Variants in FSTL5 observed in about 807,000 individuals in gnomAD.
FSTL5 encodes the protein follistatin like 5, also known as follistatin-related protein 5.
In FSTL5, 62 loss-of-function variants were observed where a neutral mutation model predicts 89.1. The ratio of observed to expected loss-of-function variants is 0.70; its 90% CI spans 0.57 to 0.86. FSTL5 has a LOEUF of 0.86. Among genes scored for constraint, FSTL5 ranks in the 40% least tolerant of loss-of-function variants. The pLI is 0.00. For missense variants in FSTL5, 1,057 were observed against 1,001.6 expected (o/e 1.06, Z -0.75); for synonymous variants, 383 against 346.2 (o/e 1.11, Z -1.18).
At chr4:161,589,143 C>A (rs1733721468) in intron 7 of FSTL5, among the ~76,000 whole-genome samples, 1 of 148,342 alleles carries the variant, frequency 6.7e-6, no homozygotes, top group Non-Finnish European at 1.5e-5. Flanking sequence ...AGCACTCCAT[C>A]ACACCCAGTT....
chr4:161,540,610 C>G (rs1158264609), intron 9 of FSTL5, among the ~76,000 whole-genome samples: 1 of 152,078 alleles, frequency 6.6e-6, no homozygotes, highest in African/African-American at 2.4e-5. Flanking sequence ...TCTCATTTCT[C>G]CCTACTGATA....
chr4:161,590,446 C>G (rs149989280), intron 7 of FSTL5, among the ~76,000 whole-genome samples: 2 of 152,082 alleles, frequency 1.3e-5, no homozygotes, highest in Non-Finnish European at 2.9e-5. Context: ...GGCTGAGGCA[C>G]GAGAATTGCT....
intron 6 of FSTL5, among the ~76,000 whole-genome samples, chr4:161,705,956 A>ATGTGTGTGTG (rs1738556865): frequency 3.1e-4 from 5 of 15,956 alleles, no homozygotes; most frequent in African/African-American, 2.0e-3. Context: ...ATGTGTGTAT[A>ATGTGTGTGTG]TATATATATA....
intron 4 of FSTL5, among the ~76,000 whole-genome samples, chr4:161,808,430 TA>T (rs1461940620): frequency 1.3e-5 from 2 of 151,862 alleles, no homozygotes; most frequent in East Asian, 3.9e-4. Flanking sequence ...AACAGGAAAA[TA>T]ACCCGTGTCC....
At chr4:161,633,126 C>T (rs1423531139) in intron 7 of FSTL5, among the ~76,000 whole-genome samples, 1 of 151,768 alleles carries the variant, frequency 6.6e-6, no homozygotes, top group African/African-American at 2.4e-5. Flanking sequence ...GTGCATATCT[C>T]TTTTAGGCCC....
At chr4:161,762,277 T>C (rs1002070120) in intron 5 of FSTL5, among the ~76,000 whole-genome samples, 2 of 152,124 alleles carry the variant, frequency 1.3e-5, no homozygotes, top group Non-Finnish European at 2.9e-5. Flanking sequence ...AGAATTTTTA[T>C]AGCTTTACAG....
At chr4:161,779,543 G>A (rs1437647566) in intron 4 of FSTL5, among the ~76,000 whole-genome samples, 6 of 151,384 alleles carry the variant, frequency 4.0e-5, no homozygotes, top group Admixed American at 3.3e-4. Flanking sequence ...TTTTGCAGAT[G>A]AGGAACTAAG....
chr4:161,826,437 T>C (rs1730671104), intron 4 of FSTL5, among the ~76,000 whole-genome samples: 1 of 152,198 alleles, frequency 6.6e-6, no homozygotes, highest in Non-Finnish European at 1.5e-5. Flanking sequence ...TTTGTTGTTG[T>C]TGTTGACTTT....
chr4:161,972,249 G>A (rs1421595394), intron 3 of FSTL5, among the ~76,000 whole-genome samples: 1 of 151,856 alleles, frequency 6.6e-6, no homozygotes, highest in Non-Finnish European at 1.5e-5. Context: ...CTGCCACCAC[G>A]CCCAGCTAAT....
chr4:162,051,932 C>G (rs1218753556), intron 2 of FSTL5, among the ~76,000 whole-genome samples: 4 of 149,784 alleles, frequency 2.7e-5, no homozygotes, highest in Non-Finnish European at 6.0e-5. Flanking sequence ...ACAACATTAG[C>G]AAAGAAAAAC....
intron 7 of FSTL5, among the ~76,000 whole-genome samples, chr4:161,609,183 G>A (rs1734557006): frequency 6.6e-6 from 1 of 151,874 alleles, no homozygotes; most frequent in Non-Finnish European, 1.5e-5. Context: ...GTGTTCAATG[G>A]GCATTTGAAT....
chr4:161,594,891 T>C (rs1458169492), intron 7 of FSTL5, among the ~76,000 whole-genome samples: 2 of 152,000 alleles, frequency 1.3e-5, no homozygotes, highest in Non-Finnish European at 2.9e-5. Flanking sequence ...ACATGAAATT[T>C]TATCATTTAA....
chr4:161,792,904 C>A (rs565626794), intron 4 of FSTL5, among the ~76,000 whole-genome samples: 5 of 152,354 alleles, frequency 3.3e-5, no homozygotes, highest in African/African-American at 9.6e-5. Flanking sequence ...TCCCCTCCCC[C>A]ACTTGCCACG....
rs1447944719 is a variant in FSTL5 at position 161,742,690 on chromosome 4, TATG to T, written c.727+16718_727+16720del. Among the ~76,000 whole-genome samples, 4 of 152,256 alleles carry T rather than the reference TATG, an allele frequency of 2.6e-5. No individual in the cohort carries two copies. The East Asian group carries it at 7.7e-4, about 29-fold the overall frequency. ...TGGGTTGAAGAGACTAGTGGATGAG[TATG>T]ATAAGATTCACAACTTTTCAACATG... On this transcript the variant is annotated intron_variant, in intron 6 of 15. Coordinates refer to ENST00000306100, the MANE Select transcript of FSTL5 (RefSeq NM_020116.5).
At chr4:161,442,189 A>G (rs1176168971) in intron 15 of FSTL5, among the ~76,000 whole-genome samples, 1 of 143,876 alleles carries the variant, frequency 7.0e-6, no homozygotes, top group Non-Finnish European at 1.5e-5. Context: ...GCCAAAAACC[A>G]CCTTCAGTTT....
intron 3 of FSTL5, among the ~76,000 whole-genome samples, chr4:161,988,249 CA>C (rs1422945762): frequency 6.6e-6 from 1 of 151,950 alleles, no homozygotes; most frequent in Non-Finnish European, 1.5e-5. Context: ...AATCACAAAA[CA>C]TGAGGATTCA....
intron 1 of FSTL5, among the ~76,000 whole-genome samples, chr4:162,123,171 T>C (rs1013537688): frequency 2.0e-5 from 3 of 152,170 alleles, no homozygotes; most frequent in Non-Finnish European, 4.4e-5. Context: ...TGGACCTACA[T>C]TTATTGTACA....
At chr4:162,019,678 G>A (rs886493385) in intron 3 of FSTL5, among the ~76,000 whole-genome samples, 8 of 151,202 alleles carry the variant, frequency 5.3e-5, no homozygotes, top group Admixed American at 3.3e-4. Context: ...GACACTTGTC[G>A]GAGCGTTTAT....
chr4:161,572,082 G>C (rs1733035071), intron 8 of FSTL5, among the ~76,000 whole-genome samples: 1 of 151,980 alleles, frequency 6.6e-6, no homozygotes, highest in Admixed American at 6.6e-5. Context: ...GGCCGAGGCG[G>C]GTGGATCACC....
Sources: gnomAD v4.1 joint callset for allele counts (sites outside exome capture counted in the v4.1 genomes callset) on GRCh38, gnomAD v4.1.1 for gene constraint, MANE v1.5 for transcripts, NCBI Gene and HGNC (gene_info 2026-07-23, HGNC 2026-07-21) for gene names.